The following CSMD1 variants were observed in gnomAD, a reference collection of about 807,000 sequenced individuals.
CSMD1 encodes CUB and Sushi multiple domains 1.
In CSMD1, 213 loss-of-function variants were observed where a neutral mutation model predicts 417.5. The ratio of observed to expected loss-of-function variants is 0.51; its 90% CI spans 0.46 to 0.57. CSMD1 has a LOEUF of 0.57. Ranked by LOEUF, CSMD1 falls within the 20% of genes least tolerant of loss-of-function variation. The pLI is 0.00. For synonymous variants in CSMD1, 2,862 were observed against 1,736.8 expected (o/e 1.65, Z -16.11); for missense variants, 6,923 against 4,529.7 (o/e 1.53, Z -15.17).
intron 5 of CSMD1, among the ~76,000 whole-genome samples, chr8:3,952,914 G>C (rs971215281): frequency 1.3e-5 from 2 of 152,148 alleles, no homozygotes; most frequent in African/African-American, 2.4e-5. Context: ...GCTGTATTGA[G>C]TGCAATTTAT....
intron 1 of CSMD1, among the ~76,000 whole-genome samples, chr8:4,839,723 T>C (rs1406016792): frequency 6.6e-6 from 1 of 152,218 alleles, no homozygotes; most frequent in East Asian, 1.9e-4. Flanking sequence ...ATTTTGGTAA[T>C]AACTATACAA....
At chr8:3,599,011 G>A (rs909740011) in intron 8 of CSMD1, among the ~76,000 whole-genome samples, 6 of 152,150 alleles carry the variant, frequency 3.9e-5, no homozygotes, top group African/African-American at 1.4e-4. Context: ...AATGTGGGAG[G>A]TAGGGGTTGC....
intron 5 of CSMD1, among the ~76,000 whole-genome samples, chr8:3,893,988 C>G (rs1450334578): frequency 6.6e-6 from 1 of 152,032 alleles, no homozygotes; most frequent in East Asian, 1.9e-4. Flanking sequence ...CACCTCTTCC[C>G]ATCTCCTTAT....
At chr8:3,373,255 G>C (rs1443773780) in intron 18 of CSMD1, 1 of 152,134 alleles carries the variant, frequency 6.6e-6, no homozygotes, top group Non-Finnish European at 1.5e-5. Flanking sequence ...AAATCTGGGA[G>C]GGAATGTGCT....
chr8:4,484,097 A>G (rs1801241940), intron 2 of CSMD1, among the ~76,000 whole-genome samples: 1 of 152,034 alleles, frequency 6.6e-6, no homozygotes. Flanking sequence ...TGTCTGTTAA[A>G]CAGGAGAGCT....
chr8:4,270,671 TC>T (rs1379899771), intron 3 of CSMD1, among the ~76,000 whole-genome samples: 1 of 152,166 alleles, frequency 6.6e-6, no homozygotes, highest in Non-Finnish European at 1.5e-5. Flanking sequence ...CCAATGTAGC[TC>T]CTTTCTTCTA....
intron 4 of CSMD1, 72 bp downstream of exon 4, chr8:4,031,833 T>A (rs1348062074): frequency 8.3e-7 from 1 of 1,208,854 alleles, no homozygotes; most frequent in Non-Finnish European, 1.1e-6. Context: ...AAGTGGAAAC[T>A]TTCATAAAAG....
chr8:3,854,309 G>A (rs1487828417), intron 5 of CSMD1, among the ~76,000 whole-genome samples: 1 of 151,618 alleles, frequency 6.6e-6, no homozygotes, highest in African/African-American at 2.4e-5. Context: ...TTAGTAGTGT[G>A]CACTGCCCTT....
At chr8:3,215,199 A>G (rs1797812878) in intron 29 of CSMD1, among the ~76,000 whole-genome samples, 1 of 152,216 alleles carries the variant, frequency 6.6e-6, no homozygotes, top group African/African-American at 2.4e-5. Context: ...ACGAATAACA[A>G]CAGACAGACT....
intron 23 of CSMD1, among the ~76,000 whole-genome samples, chr8:3,327,515 C>T (rs1806611918): frequency 6.6e-6 from 1 of 152,122 alleles, no homozygotes; most frequent in African/African-American, 2.4e-5. Context: ...TTTTTATTAA[C>T]ATAATATCAG....
intron 1 of CSMD1, among the ~76,000 whole-genome samples, chr8:4,912,179 A>G (rs947824459): frequency 1.3e-5 from 2 of 150,416 alleles, no homozygotes; most frequent in African/African-American, 2.4e-5. Context: ...AGAAAAAGAC[A>G]ATGCATAAAA....
At chr8:4,229,991 T>C (rs1013093989) in intron 3 of CSMD1, among the ~76,000 whole-genome samples, 4 of 152,198 alleles carry the variant, frequency 2.6e-5, no homozygotes, top group East Asian at 1.9e-4. Context: ...AACACTTAAG[T>C]CTGTAATAAA....
chr8:4,607,243 G>C (rs1329482106), intron 2 of CSMD1, among the ~76,000 whole-genome samples: 2 of 151,874 alleles, frequency 1.3e-5, no homozygotes, highest in Non-Finnish European at 2.9e-5. Flanking sequence ...GTAATTATAA[G>C]ATAATTCTGC....
intron 52 of CSMD1, among the ~76,000 whole-genome samples, chr8:3,010,778 C>G (rs116824693): frequency 0.021 from 3,072 of 148,772 alleles, 102 homozygotes; most frequent in African/African-American, 0.071. Context: ...AAATTTTGCT[C>G]TGTCACTCAG....
At chr8:4,271,850 G>A (rs887305070) in intron 3 of CSMD1, among the ~76,000 whole-genome samples, 1 of 152,116 alleles carries the variant, frequency 6.6e-6, no homozygotes, top group Non-Finnish European at 1.5e-5. Context: ...TATTTGAAAG[G>A]CACAGTGCAT....
At chr8:4,579,639 G>C (rs766897615) in intron 2 of CSMD1, among the ~76,000 whole-genome samples, 1 of 152,050 alleles carries the variant, frequency 6.6e-6, no homozygotes, top group Non-Finnish European at 1.5e-5. Flanking sequence ...TGATATTACA[G>C]GTGTGAGCCA....
In CSMD1 at chr8:3,792,522, C is replaced by G. The variant is rs117155316; in HGVS notation, c.819-38480G>C. On this transcript the variant is annotated intron_variant, in intron 5 of 69. Transcript: ENST00000635120. ...CAACTCGCTGATTACTGTCAATTAT[C>G]TCACAATTGATTTATTTTTCAGACT... Among the ~76,000 whole-genome samples the G allele has an allele frequency of 2.2e-3, 335 of 152,268 alleles. 1 individual carries two copies. Among genetic ancestry groups the G allele is most frequent in the South Asian group, 4.4e-3 (21 of 4,820 alleles).
intron 17 of CSMD1, among the ~76,000 whole-genome samples, chr8:3,395,008 G>A (rs1006166853): frequency 6.6e-6 from 1 of 152,130 alleles, no homozygotes; most frequent in Non-Finnish European, 1.5e-5. Flanking sequence ...TAAAACCGAG[G>A]AATGCACATA....
At chr8:3,590,476 G>A (rs777104875) in intron 8 of CSMD1, among the ~76,000 whole-genome samples, 8 of 152,074 alleles carry the variant, frequency 5.3e-5, no homozygotes, top group Non-Finnish European at 1.0e-4. Flanking sequence ...AGTGGAGAGC[G>A]GAGGATTGCT....
Sources: gnomAD v4.1 joint callset for allele counts (sites outside exome capture counted in the v4.1 genomes callset) on GRCh38, gnomAD v4.1.1 for gene constraint, MANE v1.5 for transcripts, NCBI Gene and HGNC (gene_info 2026-07-23, HGNC 2026-07-21) for gene names.